CDC42SE2: variants seen among roughly 807,000 people sequenced by gnomAD.
The protein encoded by CDC42SE2 is CDC42 small effector protein 2.
CDC42SE2 carries 3 observed loss-of-function variants against 11.5 expected under a neutral mutation model. That is an observed-to-expected ratio of 0.26 (90% CI 0.12 to 0.67). The LOEUF (loss-of-function observed/expected upper bound fraction) is 0.67, where lower values mean the gene tolerates loss of function less well. Ranked by LOEUF, CDC42SE2 falls within the 30% of genes least tolerant of loss-of-function variation. The pLI, the probability that CDC42SE2 is intolerant of heterozygous loss-of-function variation, is 0.80. For missense variants in CDC42SE2, 82 were observed against 106.8 expected (o/e 0.77, Z 1.02); for synonymous variants, 33 against 34.8 (o/e 0.95, Z 0.18).
intron 4 of CDC42SE2, 135 bp from the exon 5 acceptor site, chr5:131,390,856 TAA>T (rs1750629631): frequency 2.3e-6 from 1 of 440,476 alleles, no homozygotes; most frequent in Non-Finnish European, 4.1e-6. Context: ...TGTTTGTCTA[TAA>T]AAAAATTTTT....
In CDC42SE2 at chr5:131,336,909, G is replaced by A. The variant is rs570207580; in HGVS notation, c.-286+20765G>A. ...AAAGTTTTTAACTTCCTTGCCATTC[G>A]TTCGAACTTCCTCCGTTAGCACAGA... On this transcript the variant is annotated intron_variant, in intron 2 of 4. Coordinates refer to ENST00000505065, the MANE Select transcript of CDC42SE2 (RefSeq NM_001375635.1). Among the ~76,000 whole-genome samples the A allele has an allele frequency of 7.2e-5, 11 of 152,108 alleles. 1 individual carries two copies. Among genetic ancestry groups the A allele is most frequent in the South Asian group, 2.1e-4 (1 of 4,822 alleles).
At chr5:131,254,547 A>G (rs1056000957) in intron 1 of CDC42SE2, among the ~76,000 whole-genome samples, 1 of 151,926 alleles carries the variant, frequency 6.6e-6, no homozygotes, top group Non-Finnish European at 1.5e-5. Flanking sequence ...ATCTCGAAAA[A>G]AAAAAAAGAG....
At chr5:131,387,618 C>T (rs1211367397) in intron 4 of CDC42SE2, among the ~76,000 whole-genome samples, 2 of 152,154 alleles carry the variant, frequency 1.3e-5, no homozygotes, top group African/African-American at 4.8e-5. Context: ...ATCTTATGTA[C>T]ATTTCGGAAT....
chr5:131,376,814 C>G (rs1379208827), intron 3 of CDC42SE2, among the ~76,000 whole-genome samples: 1 of 152,156 alleles, frequency 6.6e-6, no homozygotes, highest in Non-Finnish European at 1.5e-5. Context: ...CTCCAAAGGA[C>G]ATGGTCTAGT....
chr5:131,381,167 G>A (rs957735994), intron 3 of CDC42SE2, among the ~76,000 whole-genome samples: 23 of 152,126 alleles, frequency 1.5e-4, no homozygotes, highest in Admixed American at 1.4e-3. Flanking sequence ...CTTTGTTAAT[G>A]CTGGTGATTC....
At chr5:131,286,645 C>A (rs1313782890) in intron 1 of CDC42SE2, among the ~76,000 whole-genome samples, 2 of 151,890 alleles carry the variant, frequency 1.3e-5, no homozygotes, top group Non-Finnish European at 2.9e-5. Context: ...CCAACCCCTC[C>A]TTTTCCTCCT....
At chr5:131,320,723 A>T (rs1020294165) in intron 2 of CDC42SE2, among the ~76,000 whole-genome samples, 8 of 152,188 alleles carry the variant, frequency 5.3e-5, no homozygotes, top group Non-Finnish European at 1.2e-4. Flanking sequence ...CCTGGGCGAC[A>T]GAGCGAGACT....
upstream of CDC42SE2, among the ~76,000 whole-genome samples, chr5:131,244,810 C>T (rs1375852751): frequency 6.6e-6 from 1 of 152,088 alleles, no homozygotes; most frequent in Non-Finnish European, 1.5e-5. Context: ...TAAAAATATG[C>T]AGATCACTCT....
At chr5:131,389,092 T>A (rs913957381) in intron 4 of CDC42SE2, among the ~76,000 whole-genome samples, 2 of 152,192 alleles carry the variant, frequency 1.3e-5, no homozygotes, top group Non-Finnish European at 2.9e-5. Flanking sequence ...TACTTCGAAC[T>A]CCCATAGTGT....
At chr5:131,244,858 G>C (rs1371760292), upstream of CDC42SE2, among the ~76,000 whole-genome samples, 2 of 152,092 alleles carry the variant, frequency 1.3e-5, no homozygotes, top group Non-Finnish European at 2.9e-5. Flanking sequence ...AAACAAACTT[G>C]AAAATGTGTA....
intron 2 of CDC42SE2, among the ~76,000 whole-genome samples, chr5:131,331,610 G>A (rs1161570150): frequency 6.6e-6 from 1 of 151,956 alleles, no homozygotes; most frequent in Admixed American, 6.6e-5. Context: ...AATCTAGTTG[G>A]ACTTTTCTTT....
chr5:131,362,706 T>C lies in CDC42SE2; in HGVS notation c.54+3159T>C, dbSNP rs1461177643. 2.0e-5 allele frequency among the ~76,000 whole-genome samples: 3 copies of C among 152,314 alleles called. No individual in the cohort carries two copies. The East Asian group carries it at 5.8e-4, about 29-fold the overall frequency. On this transcript the variant is annotated intron_variant, in intron 3 of 4. Coordinates refer to ENST00000505065, the MANE Select transcript of CDC42SE2 (RefSeq NM_001375635.1). ...ACTCCTTCATTTTAATATAGTACAA[T>C]GCAGGGTATAATAGAGCCCCAATGT...
At chr5:131,271,889 A>C (rs1288889207) in intron 1 of CDC42SE2, among the ~76,000 whole-genome samples, 1 of 152,112 alleles carries the variant, frequency 6.6e-6, no homozygotes, top group Non-Finnish European at 1.5e-5. Context: ...TCCAGCATAC[A>C]TCTGGGAAGT....
chr5:131,302,422 G>A (rs1343736470), intron 1 of CDC42SE2, among the ~76,000 whole-genome samples: 1 of 152,064 alleles, frequency 6.6e-6, no homozygotes, highest in Admixed American at 6.5e-5. Context: ...CGGGTGATCC[G>A]CCTGCCTCGG....
the CDC42SE2 span, among the ~76,000 whole-genome samples, chr5:131,222,705 T>C: frequency 6.6e-6 from 1 of 152,340 alleles, no homozygotes; most frequent in East Asian, 1.9e-4. Context: ...CCTTATGCAG[T>C]TGTTTTATCT....
At chr5:131,295,473 A>G (rs1757551173) in intron 1 of CDC42SE2, among the ~76,000 whole-genome samples, 2 of 152,180 alleles carry the variant, frequency 1.3e-5, no homozygotes, top group Admixed American at 1.3e-4. Flanking sequence ...CATATACAGA[A>G]TGGTCTCCAA....
chr5:131,229,090 C>T, the CDC42SE2 span, among the ~76,000 whole-genome samples: 1 of 152,148 alleles, frequency 6.6e-6, no homozygotes, highest in Non-Finnish European at 1.5e-5. Flanking sequence ...GCAAAATCAA[C>T]TCATTCTCAT....
Position 131,391,236 on chromosome 5 carries a change from A to G in CDC42SE2, c.*145A>G. 3.2e-6 allele frequency: 1 copy of G among 310,156 alleles called. No individual in the cohort carries two copies. The highest frequency in any genetic ancestry group is 5.8e-6 in the Non-Finnish European group (1 of 171,980). The allele number at this position is 310,156 out of a possible 1,614,324, so 19.2% of individuals were successfully genotyped here. A position where few individuals can be genotyped will look rare whatever the true frequency, so the allele number is the denominator to read the frequency against. On this transcript the variant is annotated 3_prime_UTR_variant, in exon 5 of 5. Transcript: ENST00000505065. ...TGGGAAAGGCAAAATTACTCAGCTA[A>G]GTGTAGTTTCTGCACTTGGAATGTA...
chr5:131,233,876 G>A, the CDC42SE2 span, among the ~76,000 whole-genome samples: 1 of 151,930 alleles, frequency 6.6e-6, no homozygotes, highest in Admixed American at 6.6e-5. Context: ...TGCTTTTATT[G>A]GTGGATGTTG....
Sources: gnomAD v4.1 joint callset for allele counts (sites outside exome capture counted in the v4.1 genomes callset) on GRCh38, gnomAD v4.1.1 for gene constraint, MANE v1.5 for transcripts, NCBI Gene and HGNC (gene_info 2026-07-23, HGNC 2026-07-21) for gene names.